The following PLCB1 variants were observed in gnomAD, a reference collection of about 807,000 sequenced individuals.
PLCB1 encodes the protein phospholipase C beta 1, also known as 1-phosphatidylinositol 4,5-bisphosphate phosphodiesterase beta-1.
PLCB1 carries 46 observed loss-of-function variants against 161.8 expected under a neutral mutation model. The ratio of observed to expected loss-of-function variants is 0.28; its 90% CI spans 0.22 to 0.36. The LOEUF is 0.36. Among genes scored for constraint, PLCB1 ranks in the 10% least tolerant of loss-of-function variants. The pLI, the probability that PLCB1 is intolerant of heterozygous loss-of-function variation, is 1.00. For missense variants in PLCB1, 1,016 were observed against 1,472.5 expected (o/e 0.69, Z 5.07); for synonymous variants, 517 against 503.7 (o/e 1.03, Z -0.35).
At chr20:8,496,290 C>T (rs1454128997) in intron 3 of PLCB1, among the ~76,000 whole-genome samples, 1 of 144,516 alleles carries the variant, frequency 6.9e-6, no homozygotes, top group Non-Finnish European at 1.5e-5. Flanking sequence ...CCCAGAAGTT[C>T]GAGACCAGCC....
In PLCB1 at chr20:8,722,400, T is replaced by C; in HGVS notation, c.1560T>C (p.Cys520=). 6.2e-7 allele frequency: 1 copy of C among 1,610,614 alleles called. No homozygotes were observed. The part of the protein sequence containing the change: ...ESDDDDDDDD[C]KKSSMDEGTA... ...ACGACGACGATGATGATGATGACTG[T>C]AAAAAATCTTCAATGGATGAGGTGG... is the stretch of plus-strand genomic sequence containing the variant. Residue 520 remains cysteine, a synonymous_variant, in exon 15 of 32, where the codon TGT becomes TGC. Transcript: ENST00000338037.
chr20:8,276,977 CTTCTTCTTCTTA>C (rs57437771), intron 2 of PLCB1, among the ~76,000 whole-genome samples: 703 of 95,848 alleles, frequency 7.3e-3, no homozygotes, highest in Non-Finnish European at 0.011. Context: ...TCTTCTTCTT[CTTCTTCTTCTTA>C]TTATTATTAT....
chr20:8,514,623 C>A (rs1008186640), intron 3 of PLCB1, among the ~76,000 whole-genome samples: 1 of 152,100 alleles, frequency 6.6e-6, no homozygotes, highest in Non-Finnish European at 1.5e-5. Context: ...GAAACCCAAT[C>A]CCTAAACAAT....
chr20:8,249,569 A>G (rs1042926652), intron 2 of PLCB1: 3 of 151,950 alleles, frequency 2.0e-5, no homozygotes, highest in Admixed American at 1.3e-4. Context: ...TATGAAGACT[A>G]TTGGAATGAT....
intron 4 of PLCB1, among the ~76,000 whole-genome samples, chr20:8,643,864 G>A (rs1176485719): frequency 6.6e-5 from 10 of 150,908 alleles, no homozygotes; most frequent in Non-Finnish European, 1.5e-5. Context: ...GGACTGTACT[G>A]CCGCCATCTC....
At chr20:8,772,181 G>T (rs1217171189) in intron 26 of PLCB1, among the ~76,000 whole-genome samples, 4 of 151,616 alleles carry the variant, frequency 2.6e-5, no homozygotes, top group African/African-American at 4.9e-5. Context: ...AGCACACCAG[G>T]CCTGTTCCTA....
intron 3 of PLCB1, among the ~76,000 whole-genome samples, chr20:8,503,325 A>G (rs1345343732): frequency 6.6e-6 from 1 of 152,120 alleles, no homozygotes; most frequent in Admixed American, 6.6e-5. Flanking sequence ...TTTGATTCCT[A>G]AGAGATACTG....
intron 31 of PLCB1, among the ~76,000 whole-genome samples, chr20:8,878,415 T>G (rs925836086): frequency 6.6e-6 from 1 of 152,220 alleles, no homozygotes; most frequent in Non-Finnish European, 1.5e-5. Flanking sequence ...AAAGCCCCAC[T>G]TCCTTCTAAA....
Position 8,430,385 on chromosome 20 carries a change from G to A in PLCB1, c.246+58935G>A, listed in dbSNP as rs1238021270. On this transcript the variant is annotated intron_variant, in intron 3 of 31. Coordinates refer to ENST00000338037, the MANE Select transcript of PLCB1 (RefSeq NM_015192.4). The stretch of plus-strand genomic sequence containing the variant: ...CCCGGGTCAGTTTTAAGGCTGAAAT[G>A]TTTCAGGAAAACTGGGAACAAAGCA... Among the ~76,000 whole-genome samples, 2 of 149,994 alleles carry A rather than the reference G, an allele frequency of 1.3e-5. 1 individual carries two copies. The highest frequency in any genetic ancestry group is 3.0e-5 in the Non-Finnish European group (2 of 66,738).
chr20:8,591,959 A>G (rs1987163371), intron 3 of PLCB1, among the ~76,000 whole-genome samples: 6 of 152,220 alleles, frequency 3.9e-5, no homozygotes, highest in Admixed American at 3.9e-4. Context: ...GAATACTTGC[A>G]TATACATCGT....
intron 2 of PLCB1, among the ~76,000 whole-genome samples, chr20:8,301,514 T>C (rs1024700598): frequency 6.6e-6 from 1 of 152,134 alleles, no homozygotes; most frequent in African/African-American, 2.4e-5. Context: ...GCCAGAATGC[T>C]AAGAGAGCCA....
At chr20:8,460,951 A>G (rs747452708) in intron 3 of PLCB1, among the ~76,000 whole-genome samples, 1 of 152,174 alleles carries the variant, frequency 6.6e-6, no homozygotes, top group Non-Finnish European at 1.5e-5. Flanking sequence ...TTCTGTGATG[A>G]TGGAAATGCT....
chr20:8,618,702 G>A (rs1464268437), intron 3 of PLCB1, among the ~76,000 whole-genome samples: 1 of 151,988 alleles, frequency 6.6e-6, no homozygotes, highest in African/African-American at 2.4e-5. Context: ...CATTTTAGAA[G>A]ACATTTTCTT....
chr20:8,562,689 A>C (rs1568509360), intron 3 of PLCB1, among the ~76,000 whole-genome samples: 1 of 152,092 alleles, frequency 6.6e-6, no homozygotes, highest in Admixed American at 6.6e-5. Flanking sequence ...ATTTTTAATA[A>C]GCAAAACCCC....
At chr20:8,709,398 C>G (rs1306783938) in intron 12 of PLCB1, among the ~76,000 whole-genome samples, 1 of 152,180 alleles carries the variant, frequency 6.6e-6, no homozygotes, top group Non-Finnish European at 1.5e-5. Flanking sequence ...ATTAGTTTAT[C>G]ATGTAGTTAC....
intron 3 of PLCB1, among the ~76,000 whole-genome samples, chr20:8,388,886 A>T (rs904161080): frequency 1.1e-4 from 16 of 152,316 alleles, no homozygotes; most frequent in African/African-American, 3.8e-4. Context: ...CCTTGGAAAC[A>T]AAAACCTTTA....
chr20:8,260,681 C>A (rs1168018991), intron 2 of PLCB1, among the ~76,000 whole-genome samples: 1 of 152,106 alleles, frequency 6.6e-6, no homozygotes, highest in African/African-American at 2.4e-5. Flanking sequence ...AGGGAATAAA[C>A]AATGAGCTAG....
chr20:8,139,587 A>C (rs1375200924), intron 1 of PLCB1, among the ~76,000 whole-genome samples: 2 of 152,194 alleles, frequency 1.3e-5, no homozygotes, highest in South Asian at 2.1e-4. Flanking sequence ...ATTAAAAAAA[A>C]CATTTTTTTT....
intron 2 of PLCB1, among the ~76,000 whole-genome samples, chr20:8,356,106 T>C (rs1343692878): frequency 6.6e-6 from 1 of 152,208 alleles, no homozygotes; most frequent in African/African-American, 2.4e-5. Flanking sequence ...TTTAGTTATA[T>C]ATTTTGTTCA....
Sources: gnomAD v4.1 joint callset for allele counts (sites outside exome capture counted in the v4.1 genomes callset) on GRCh38, gnomAD v4.1.1 for gene constraint, MANE v1.5 for transcripts, NCBI Gene and HGNC (gene_info 2026-07-23, HGNC 2026-07-21) for gene names.